The following GLCCI1 variants were observed in gnomAD, a reference collection of about 807,000 sequenced individuals.
GLCCI1 encodes glucocorticoid induced 1.
Under a neutral mutation model 52.2 loss-of-function variants are expected in GLCCI1, and 24 were observed. That is an observed-to-expected ratio of 0.46 (90% CI 0.33 to 0.65). The LOEUF (loss-of-function observed/expected upper bound fraction) is 0.65, where lower values mean the gene tolerates loss of function less well. Among genes scored for constraint, GLCCI1 ranks in the 30% least tolerant of loss-of-function variants. GLCCI1 has a pLI of 0.02. For missense variants in GLCCI1, 704 were observed against 701.5 expected, an observed-to-expected ratio of 1.00 and a Z score of -0.04; for synonymous variants, 310 against 276.5, an observed-to-expected ratio of 1.12 and a Z score of -1.20.
chr7:8,045,531 G>A (rs2127956051), intron 3 of GLCCI1, among the ~76,000 whole-genome samples: 1 of 152,316 alleles, frequency 6.6e-6, no homozygotes, highest in South Asian at 2.1e-4. Context: ...CAGGAGATTG[G>A]AACTGGGCTC....
chr7:7,976,425 GC>G (rs769242050), intron 1 of GLCCI1, among the ~76,000 whole-genome samples: 47 of 124,368 alleles, frequency 3.8e-4, no homozygotes, highest in Admixed American at 9.4e-4. Context: ...GTTGCAGTGA[GC>G]TGAGATCATG....
At chr7:7,992,156 G>A (rs1317792682) in intron 1 of GLCCI1, among the ~76,000 whole-genome samples, 1 of 143,418 alleles carries the variant, frequency 7.0e-6, no homozygotes, top group Non-Finnish European at 1.5e-5. Context: ...GGCTCTAGAA[G>A]GAATTTAATA....
At chr7:7,979,840 A>G (rs981240434) in intron 1 of GLCCI1, among the ~76,000 whole-genome samples, 1 of 152,234 alleles carries the variant, frequency 6.6e-6, no homozygotes, top group Non-Finnish European at 1.5e-5. Flanking sequence ...GGAAGTGACA[A>G]ACTTTTCATG....
chr7:8,037,173 C>T (rs1308935117), intron 3 of GLCCI1, among the ~76,000 whole-genome samples: 1 of 152,272 alleles, frequency 6.6e-6, no homozygotes, highest in African/African-American at 2.4e-5. Flanking sequence ...AAGGAAACCC[C>T]AACAGACTTA....
At chr7:7,993,356 C>G (rs147789848) in intron 1 of GLCCI1, among the ~76,000 whole-genome samples, 5 of 152,296 alleles carry the variant, frequency 3.3e-5, no homozygotes, top group African/African-American at 9.6e-5. Flanking sequence ...CTTCTCTTTT[C>G]TTTGCTTCTG....
intron 3 of GLCCI1, among the ~76,000 whole-genome samples, chr7:8,046,710 C>T (rs1188546444): frequency 6.6e-6 from 1 of 152,166 alleles, no homozygotes; most frequent in African/African-American, 2.4e-5. Flanking sequence ...TGATTGATGC[C>T]TCATGTCTCC....
At chr7:8,051,669 T>A (rs1456478690) in intron 3 of GLCCI1, among the ~76,000 whole-genome samples, 3 of 152,244 alleles carry the variant, frequency 2.0e-5, no homozygotes, top group Non-Finnish European at 2.9e-5. Flanking sequence ...GGTTTTGTCA[T>A]CTTTTAAGTT....
In GLCCI1 at chr7:8,086,384, T is replaced by A; in HGVS notation, c.1490T>A (p.Leu497His). 6.2e-7 allele frequency: 1 copy of A among 1,614,138 alleles called. No homozygotes were observed. Among genetic ancestry groups the A allele is most frequent in the Non-Finnish European group, 8.5e-7 (1 of 1,180,022 alleles). ...SALATLTVEQLSSRVSFTSLS... is the reference protein window; with the variant it reads ...SALATLTVEQHSSRVSFTSLS... Reference sequence around the variant, plus strand: ...TTGGCAACTCTGACCGTTGAGCAGCTCTCATCCCGGGTTTCCTTTACGTCT... The same window carrying A: ...TTGGCAACTCTGACCGTTGAGCAGCACTCATCCCGGGTTTCCTTTACGTCT... Residue 497 changes from leucine to histidine, a missense_variant, in exon 8 of 8, where the codon CTC becomes CAC. Leu to His is a moderately conservative substitution (Grantham distance 99). This residue lies in a region of GLCCI1 where 149 missense variants were observed against 152.9 expected (regional missense o/e 0.97). Coordinates refer to ENST00000223145, the MANE Select transcript of GLCCI1 (RefSeq NM_138426.4). The surrounding 1 kb of genome is among the most constrained non-coding windows in gnomAD (Gnocchi z 4.4).
intron 3 of GLCCI1, among the ~76,000 whole-genome samples, chr7:8,022,963 A>G (rs1405057795): frequency 6.6e-6 from 1 of 152,214 alleles, no homozygotes; most frequent in African/African-American, 2.4e-5. Flanking sequence ...AGTTGTAGCA[A>G]CCAGAGCTAT....
At chr7:8,026,113 T>C (rs1166718795) in intron 3 of GLCCI1, among the ~76,000 whole-genome samples, 2 of 152,154 alleles carry the variant, frequency 1.3e-5, no homozygotes, top group Non-Finnish European at 2.9e-5. Flanking sequence ...AATATATATA[T>C]GATAATAGCA....
intron 2 of GLCCI1, among the ~76,000 whole-genome samples, chr7:8,007,413 A>AT (rs1220492059): frequency 6.6e-6 from 1 of 152,172 alleles, no homozygotes; most frequent in Non-Finnish European, 1.5e-5. Context: ...GACCTGGCTG[A>AT]TTCTAAAGCG....
intron 1 of GLCCI1, chr7:7,982,190 C>T: frequency 1.1e-5 from 3 of 269,242 alleles, no homozygotes; most frequent in Non-Finnish European, 2.3e-5. Flanking sequence ...AGCAGAAATC[C>T]AAAGAAAAAT....
chr7:8,040,411 A>G (rs1193109650), intron 3 of GLCCI1, among the ~76,000 whole-genome samples: 1 of 151,958 alleles, frequency 6.6e-6, no homozygotes, highest in Non-Finnish European at 1.5e-5. Flanking sequence ...GCTTAAGTCC[A>G]GGAGTTTGAG....
chr7:7,973,406 TTGTGTGCGTGTG>T (rs1265692305), intron 1 of GLCCI1, among the ~76,000 whole-genome samples: 12 of 83,894 alleles, frequency 1.4e-4, no homozygotes, highest in Admixed American at 4.8e-4. Context: ...ATGCAAATCT[TTGTGTGCGTGTG>T]TGTGTGTGTG....
chr7:7,993,934 A>G (rs181795223), intron 1 of GLCCI1, among the ~76,000 whole-genome samples: 30 of 152,350 alleles, frequency 2.0e-4, no homozygotes, highest in Admixed American at 3.9e-4. Context: ...TGATAAACAC[A>G]TCATAAAGTC....
chr7:8,083,932 G>T (rs893547020), intron 6 of GLCCI1, among the ~76,000 whole-genome samples: 1 of 152,200 alleles, frequency 6.6e-6, no homozygotes, highest in African/African-American at 2.4e-5. Flanking sequence ...TATCAAAATT[G>T]TGATGAACAT....
chr7:7,989,344 G>T (rs915193573), intron 1 of GLCCI1, among the ~76,000 whole-genome samples: 4 of 152,086 alleles, frequency 2.6e-5, no homozygotes, highest in African/African-American at 9.7e-5. Context: ...TGTGTTGGCA[G>T]TGCATCTGTC....
chr7:7,987,695 C>T (rs1229369230), intron 1 of GLCCI1, among the ~76,000 whole-genome samples: 1 of 152,168 alleles, frequency 6.6e-6, no homozygotes, highest in Non-Finnish European at 1.5e-5. Flanking sequence ...TCAAGCGATC[C>T]TTCCACTTGA....
chr7:8,035,286 C>T lies in GLCCI1; in HGVS notation c.696+12717C>T, dbSNP rs543402133. Among the ~76,000 whole-genome samples the T allele has an allele frequency of 4.6e-5, 7 of 152,350 alleles. No homozygotes were observed. In the East Asian group the frequency reaches 1.4e-3, roughly 29 times the overall value. ...GCTACTTCCAGTGCAGATGTGGGCACTGTGCTTGGCTCTTCAAGGGAGGAA... is the reference window on the plus strand; with the variant it reads ...GCTACTTCCAGTGCAGATGTGGGCATTGTGCTTGGCTCTTCAAGGGAGGAA... On this transcript the variant is annotated intron_variant, in intron 3 of 7. Coordinates refer to ENST00000223145, the MANE Select transcript of GLCCI1 (RefSeq NM_138426.4).
Sources: allele counts gnomAD v4.1 joint callset (sites outside exome capture counted in the v4.1 genomes callset), GRCh38; gene constraint gnomAD v4.1.1; regional missense constraint gnomAD v4.1.1; non-coding constraint Gnocchi (gnomAD v3.1); transcripts MANE v1.5; gene names NCBI Gene and HGNC (gene_info 2026-07-23, HGNC 2026-07-21).